MEI1: variants seen among roughly 807,000 people sequenced by gnomAD.
The protein encoded by MEI1 is meiotic double-stranded break formation protein 1, also known as meiosis inhibitor protein 1.
In MEI1, 103 loss-of-function variants were observed where a neutral mutation model predicts 146.2. The observed-to-expected ratio is 0.70, with a 90% CI of 0.60 to 0.83. The LOEUF (loss-of-function observed/expected upper bound fraction) is 0.83, where lower values mean the gene tolerates loss of function less well. Among genes scored for constraint, MEI1 ranks in the 40% least tolerant of loss-of-function variants. MEI1 has a pLI of 0.00. For missense variants in MEI1, 1,529 were observed against 1,533.0 expected (o/e 1.00, Z 0.04); for synonymous variants, 652 against 628.2 (o/e 1.04, Z -0.57).
Position 41,745,028 on chromosome 22 carries a change from T to C in MEI1, c.1502T>C (p.Leu501Pro), listed in dbSNP as rs1205181799. ...EKAILQRGKF[L>P]LSTLEGFRSA... ...GCCATTCTTCAAAGGGGAAAGTTCC[T>C]CCTCAGCACTCTGGAGGGATTTAGA... is the stretch of plus-strand genomic sequence containing the variant. The change falls in exon 13 of 31, where the codon CTC becomes CCC. Residue 501 changes from leucine to proline, a missense_variant. Transcript: ENST00000401548. 1 of 1,565,260 alleles carries C rather than the reference T, an allele frequency of 6.4e-7. No individual in the cohort carries two copies. The highest frequency in any genetic ancestry group is 8.7e-7 in the Non-Finnish European group (1 of 1,154,236).
rs947798132 is a variant in MEI1, at chr22:41,717,990, G to A, written c.530-81G>A. 3.1e-5 allele frequency: 36 copies of A among 1,175,518 alleles called. No homozygotes were observed. The East Asian group carries it at 3.6e-4, about 12-fold the overall frequency. 72.8% of individuals were successfully genotyped at this position (1,175,518 alleles called of 1,614,324 possible). On this transcript the variant is annotated intron_variant, in intron 5 of 30. Coordinates refer to ENST00000401548, the MANE Select transcript of MEI1 (RefSeq NM_152513.4). ...TATAGGGACTTACCATTACTACCCC[G>A]TTAGGAATAATAGATTGGAGTTTCA...
chr22:41,795,011 A>G lies in MEI1; in HGVS notation c.3535-400A>G, dbSNP rs6002487. On this transcript the variant is annotated intron_variant, in intron 28 of 30. Coordinates refer to ENST00000401548, the MANE Select transcript of MEI1 (RefSeq NM_152513.4). The surrounding 1 kb of genome is among the most constrained non-coding windows in gnomAD (Gnocchi z 4.2). Reference sequence around the variant, plus strand: ...GTAATTGCTTCTCAGCAGTGAAGGTAACATTTTAGCTGTGGCTTGAGAGAT... The same window carrying G: ...GTAATTGCTTCTCAGCAGTGAAGGTGACATTTTAGCTGTGGCTTGAGAGAT... 1.3e-3 allele frequency among the ~76,000 whole-genome samples: 201 copies of G among 152,342 alleles called. 2 individuals are homozygous for G. The highest frequency in any genetic ancestry group is 4.7e-3 in the African/African-American group (196 of 41,580).
chr22:41,768,885 T>C (rs1157810215), intron 19 of MEI1, among the ~76,000 whole-genome samples: 1 of 152,216 alleles, frequency 6.6e-6, no homozygotes, highest in Non-Finnish European at 1.5e-5. Context: ...ACTTATATAG[T>C]GAAAATTTCA....
chr22:41,786,960 G>A (rs1017030330), intron 26 of MEI1, among the ~76,000 whole-genome samples: 1 of 152,256 alleles, frequency 6.6e-6, no homozygotes, highest in African/African-American at 2.4e-5. Context: ...TGTCCCAGGA[G>A]TGGGCCCTAT....
rs141218911 is a variant in MEI1, at chr22:41,703,856, C to T, written c.298+402C>T. Reference sequence around the variant, plus strand: ...CAAAAATTAGCTCAGTGTGGTGGCGCGTGCCTGTAGTCCCAGCTACTTGGG... The same window carrying T: ...CAAAAATTAGCTCAGTGTGGTGGCGTGTGCCTGTAGTCCCAGCTACTTGGG... On this transcript the variant is annotated intron_variant, in intron 2 of 30. Transcript: ENST00000401548. Among the ~76,000 whole-genome samples, 303 of 152,174 alleles carry T rather than the reference C, an allele frequency of 2.0e-3. 1 individual carries two copies. Among genetic ancestry groups the T allele is most frequent in the African/African-American group, 6.9e-3 (288 of 41,518 alleles).
chr22:41,718,949 G>T (rs1569170454), intron 6 of MEI1, among the ~76,000 whole-genome samples: 1 of 149,628 alleles, frequency 6.7e-6, no homozygotes, highest in Non-Finnish European at 1.5e-5. Flanking sequence ...TCAGCTCACT[G>T]CAACCTCTAC....
intron 11 of MEI1, among the ~76,000 whole-genome samples, chr22:41,735,257 G>C (rs2072247203): frequency 7.7e-6 from 1 of 129,466 alleles, no homozygotes; most frequent in Non-Finnish European, 1.6e-5. Context: ...TTGAGATGGA[G>C]TTTTGCTCTT....
At chr22:41,710,088 A>T (rs1243279094) in intron 3 of MEI1, among the ~76,000 whole-genome samples, 1 of 152,050 alleles carries the variant, frequency 6.6e-6, no homozygotes, top group African/African-American at 2.4e-5. Context: ...GGCAATTAGG[A>T]TGGACCCTAA....
intron 22 of MEI1, among the ~76,000 whole-genome samples, chr22:41,780,576 C>CT (rs150215660): frequency 0.081 from 9,873 of 121,306 alleles, 996 homozygotes; most frequent in African/African-American, 0.22. Context: ...GAATTTTTTT[C>CT]TTTTCTTTTT....
At chr22:41,706,054 T>C (rs1388173823) in intron 3 of MEI1, among the ~76,000 whole-genome samples, 1 of 152,094 alleles carries the variant, frequency 6.6e-6, no homozygotes, top group Non-Finnish European at 1.5e-5. Flanking sequence ...GGGCTCATTC[T>C]GTCACCCAGG....
chr22:41,747,049 TATA>T (rs3045435), intron 14 of MEI1, among the ~76,000 whole-genome samples: 19 of 149,464 alleles, frequency 1.3e-4, no homozygotes, highest in East Asian at 7.9e-4. Context: ...ATATTACTTT[TATA>T]ATAATAATAA....
Position 41,795,728 on chromosome 22 carries a change from C to T in MEI1, c.3667-7C>T. 3 of 1,612,848 alleles carry T rather than the reference C, an allele frequency of 1.9e-6. No homozygotes were observed. Among genetic ancestry groups the T allele is most frequent in the Non-Finnish European group, 2.5e-6 (3 of 1,179,384 alleles). ...GGCCTGTCTTCCCTGCCCTCTTCTC[C>T]CTGCAGCTCCAGAGCATGGGACACC... On this transcript the variant is annotated splice_polypyrimidine_tract_variant and splice_region_variant and intron_variant, in intron 29 of 30. Transcript: ENST00000401548. The surrounding 1 kb of genome is among the most constrained non-coding windows in gnomAD (Gnocchi z 4.2).
intron 15 of MEI1, 78 bp downstream of exon 15, chr22:41,748,296 A>G (rs1307310649): frequency 5.3e-6 from 5 of 949,142 alleles, no homozygotes; most frequent in African/African-American, 4.8e-5. Flanking sequence ...CAAAGAGAGG[A>G]TAAGTTGTGG....
intron 14 of MEI1, among the ~76,000 whole-genome samples, chr22:41,746,497 A>G (rs2073297661): frequency 6.6e-6 from 1 of 152,226 alleles, no homozygotes; most frequent in South Asian, 2.1e-4. Context: ...CCAGGTGTTA[A>G]CAAGGAACAT....
rs543385151 is a variant in MEI1, at chr22:41,703,266, G to A, written c.175-65G>A. ...TCTTGTAATTGTATTTGGAAATTAC[G>A]GTTGTTGGATTCAGAATAGCCAAAA... On this transcript the variant is annotated intron_variant, in intron 1 of 30. Coordinates refer to ENST00000401548, the MANE Select transcript of MEI1 (RefSeq NM_152513.4). 7.3e-5 allele frequency: 113 copies of A among 1,548,854 alleles called. No individual in the cohort carries two copies. The African/African-American group carries it at 1.2e-3, about 17-fold the overall frequency.
intron 3 of MEI1, among the ~76,000 whole-genome samples, chr22:41,705,913 G>A (rs1414121264): frequency 1.3e-5 from 2 of 151,994 alleles, no homozygotes; most frequent in Non-Finnish European, 2.9e-5. Context: ...TCATCATGCT[G>A]GCTAAGCTGG....
At chr22:41,746,913 C>T (rs1350755547) in intron 14 of MEI1, among the ~76,000 whole-genome samples, 1 of 152,144 alleles carries the variant, frequency 6.6e-6, no homozygotes, top group Admixed American at 6.5e-5. Context: ...GCAGTTTACT[C>T]ACCTGCCCTG....
At chr22:41,746,061 TG>T in intron 14 of MEI1, 35 bp downstream of exon 14, 1 of 1,540,736 alleles carries the variant, frequency 6.5e-7, no homozygotes, top group Non-Finnish European at 8.8e-7. Context: ...ACATGAAGCT[TG>T]GGGAAGAGAA....
chr22:41,793,462 T>C (rs1428856260), intron 26 of MEI1, among the ~76,000 whole-genome samples: 1 of 152,102 alleles, frequency 6.6e-6, no homozygotes, highest in African/African-American at 2.4e-5. Flanking sequence ...CCAACACACC[T>C]AGCTAATTTT....
Sources: gnomAD v4.1 joint callset for allele counts (sites outside exome capture counted in the v4.1 genomes callset) on GRCh38, gnomAD v4.1.1 for gene constraint, Gnocchi (gnomAD v3.1) non-coding constraint, MANE v1.5 for transcripts, NCBI Gene and HGNC (gene_info 2026-07-23, HGNC 2026-07-21) for gene names.